The following DPP10 variants were observed in gnomAD, a reference collection of about 807,000 sequenced individuals.
DPP10 encodes the protein dipeptidyl peptidase like 10.
In DPP10, 33 loss-of-function variants were observed where a neutral mutation model predicts 120.9. That is an observed-to-expected ratio of 0.27 (90% confidence interval 0.21 to 0.37). DPP10 has a LOEUF of 0.37. Ranked by LOEUF, DPP10 falls within the 10% of genes least tolerant of loss-of-function variation. The pLI, the probability that DPP10 is intolerant of heterozygous loss-of-function variation, is 1.00. For synonymous variants in DPP10, 337 were observed against 326.1 expected (o/e 1.03, Z -0.36); for missense variants, 816 against 942.8 (o/e 0.87, Z 1.76).
chr2:114,528,312 C>T (rs920510286), intron 1 of DPP10, among the ~76,000 whole-genome samples: 8 of 152,158 alleles, frequency 5.3e-5, no homozygotes, highest in African/African-American at 1.7e-4. Flanking sequence ...GTCCCACAGT[C>T]AGCCAGAAGT....
rs954749590 is a variant in DPP10, at chr2:114,742,409, G to A, written c.60+299571G>A. ...AGGAATAGATTATGAGCAATGGCACGTAGATAGTTCCTAAGAGCTGGCTGA... is the reference window on the plus strand; with the variant it reads ...AGGAATAGATTATGAGCAATGGCACATAGATAGTTCCTAAGAGCTGGCTGA... On this transcript the variant is annotated intron_variant, in intron 1 of 25. Transcript: ENST00000410059. Among the ~76,000 whole-genome samples, 19 of 152,336 alleles carry A rather than the reference G, an allele frequency of 1.2e-4. No individual in the cohort carries two copies. In the East Asian group the frequency reaches 1.7e-3, roughly 14 times the overall value.
At chr2:115,096,170 G>C (rs1302663067) in intron 1 of DPP10, among the ~76,000 whole-genome samples, 1 of 152,012 alleles carries the variant, frequency 6.6e-6, no homozygotes, top group Non-Finnish European at 1.5e-5. Flanking sequence ...TTAGGCTTGT[G>C]GGTCATACAA....
intron 1 of DPP10, among the ~76,000 whole-genome samples, chr2:114,580,871 T>C (rs1340046162): frequency 6.6e-6 from 1 of 152,114 alleles, no homozygotes; most frequent in South Asian, 2.1e-4. Flanking sequence ...CTTTCGAGGC[T>C]GTCAGCTCAC....
At chr2:114,583,154 G>T (rs1228986970) in intron 1 of DPP10, among the ~76,000 whole-genome samples, 1 of 152,096 alleles carries the variant, frequency 6.6e-6, no homozygotes, top group East Asian at 1.9e-4. Context: ...CCCATATTTT[G>T]TTTACAATTA....
At chr2:114,783,065 T>C (rs1170784294) in intron 1 of DPP10, among the ~76,000 whole-genome samples, 2 of 152,044 alleles carry the variant, frequency 1.3e-5, no homozygotes, top group Admixed American at 6.6e-5. Context: ...ACAAAAAATA[T>C]CTCTGAACAA....
intron 1 of DPP10, among the ~76,000 whole-genome samples, chr2:115,006,117 A>G (rs2105044679): frequency 6.6e-6 from 1 of 152,282 alleles, no homozygotes; most frequent in East Asian, 1.9e-4. Context: ...CAGGCAAACT[A>G]AGTTTCATAA....
intron 4 of DPP10, among the ~76,000 whole-genome samples, chr2:115,513,308 AT>A (rs2077329987): frequency 6.6e-6 from 1 of 151,892 alleles, no homozygotes; most frequent in African/African-American, 2.4e-5. Context: ...GCATATAATT[AT>A]TTTAAAAAAA....
At chr2:115,640,573 A>C (rs114221720) in intron 5 of DPP10, among the ~76,000 whole-genome samples, 3,145 of 152,220 alleles carry the variant, frequency 0.021, 99 homozygotes, top group African/African-American at 0.067. Context: ...AATATGGTGA[A>C]CTCATATTGG....
At chr2:114,643,181 G>A (rs909288681) in intron 1 of DPP10, among the ~76,000 whole-genome samples, 1 of 151,862 alleles carries the variant, frequency 6.6e-6, no homozygotes, top group African/African-American at 2.4e-5. Context: ...TTACTGTAGT[G>A]TACCAGTCAT....
rs537694354 is a variant in DPP10 at position 114,750,412 on chromosome 2, C to A, written c.60+307574C>A. Among the ~76,000 whole-genome samples the A allele has an allele frequency of 4.3e-3, 659 of 152,074 alleles. 7 individuals carry two copies. The highest frequency in any genetic ancestry group is 7.4e-3 in the Non-Finnish European group (504 of 67,958). On this transcript the variant is annotated intron_variant, in intron 1 of 25. Coordinates refer to ENST00000410059, the MANE Select transcript of DPP10 (RefSeq NM_020868.6). ...GCAGTGGCACAATCTTGGCTCACTGCAAACTCTGCCTCCCAGGTTCACACC... is the reference window on the plus strand; with the variant it reads ...GCAGTGGCACAATCTTGGCTCACTGAAAACTCTGCCTCCCAGGTTCACACC...
At chr2:115,812,659 A>G (rs1461405450) in intron 19 of DPP10, among the ~76,000 whole-genome samples, 1 of 152,238 alleles carries the variant, frequency 6.6e-6, no homozygotes, top group Non-Finnish European at 1.5e-5. Context: ...CTAGGTGGCA[A>G]ACACTGTGGA....
chr2:114,476,455 G>A (rs1558792739), intron 1 of DPP10, among the ~76,000 whole-genome samples: 1 of 152,096 alleles, frequency 6.6e-6, no homozygotes, highest in Non-Finnish European at 1.5e-5. Flanking sequence ...GCTCTCAAAT[G>A]TTTTACAAAG....
intron 5 of DPP10, among the ~76,000 whole-genome samples, chr2:115,652,173 T>G (rs2087844655): frequency 6.6e-6 from 1 of 152,052 alleles, no homozygotes; most frequent in African/African-American, 2.4e-5. Flanking sequence ...TTTCAAGTAC[T>G]TTATAGAAAT....
intron 1 of DPP10, among the ~76,000 whole-genome samples, chr2:115,253,037 G>A (rs1271796820): frequency 6.6e-6 from 1 of 152,184 alleles, no homozygotes; most frequent in Non-Finnish European, 1.5e-5. Context: ...GGTTTAACTG[G>A]CTCTGTAAGG....
intron 1 of DPP10, among the ~76,000 whole-genome samples, chr2:114,585,892 T>A (rs1690940638): frequency 6.6e-6 from 1 of 152,114 alleles, no homozygotes; most frequent in East Asian, 1.9e-4. Context: ...AAAGGACACA[T>A]AGAAAATTGA....
At chr2:114,613,617 A>G (rs1693448786) in intron 1 of DPP10, among the ~76,000 whole-genome samples, 1 of 152,168 alleles carries the variant, frequency 6.6e-6, no homozygotes, top group Non-Finnish European at 1.5e-5. Flanking sequence ...TACTGGGTAT[A>G]TACCCAAAGG....
At chr2:114,591,355 G>A (rs28715584) in intron 1 of DPP10, among the ~76,000 whole-genome samples, 23,054 of 152,070 alleles carry the variant, frequency 0.15, 2,190 homozygotes, top group African/African-American at 0.27. Context: ...GCAAAGTCAT[G>A]GGTGGGAAGG....
chr2:115,840,625 G>C, intron 24 of DPP10, 125 bp from the exon 25 acceptor site: 2 of 990,028 alleles, frequency 2.0e-6, no homozygotes, highest in Non-Finnish European at 3.0e-6. Flanking sequence ...TGCCCAGCCA[G>C]ATATAAGTCT....
intron 2 of DPP10, among the ~76,000 whole-genome samples, chr2:115,330,787 C>A (rs545325554): frequency 1.3e-4 from 20 of 152,142 alleles, no homozygotes; most frequent in Non-Finnish European, 2.4e-4. Flanking sequence ...TGGTCTATAT[C>A]TCTGTTTTGG....
Sources: gnomAD v4.1 joint callset for allele counts (sites outside exome capture counted in the v4.1 genomes callset) on GRCh38, gnomAD v4.1.1 for gene constraint, MANE v1.5 for transcripts, NCBI Gene and HGNC (gene_info 2026-07-23, HGNC 2026-07-21) for gene names.